BCKDHB: variants seen among roughly 807,000 people sequenced by gnomAD.
The protein encoded by BCKDHB is branched chain keto acid dehydrogenase E1 subunit beta.
In BCKDHB, 41 loss-of-function variants were observed where a neutral mutation model predicts 48.5. That is an observed-to-expected ratio of 0.85 (90% CI 0.66 to 1.10). BCKDHB has a LOEUF of 1.10. Among genes scored for constraint, BCKDHB ranks in the 50% least tolerant of loss-of-function variants. The pLI is 0.00. For synonymous variants in BCKDHB, 201 were observed against 174.8 expected (o/e 1.15, Z -1.18); for missense variants, 496 against 494.2 (o/e 1.00, Z -0.03).
chr6:80,416,917 C>G, the BCKDHB span, among the ~76,000 whole-genome samples: 201 of 151,990 alleles, frequency 1.3e-3, no homozygotes, highest in African/African-American at 4.3e-3. Flanking sequence ...CCTAAATATT[C>G]TGTCTCAATT....
At chr6:80,307,602 A>G (rs974769425) in intron 9 of BCKDHB, 1 of 984,140 alleles carries the variant, frequency 1.0e-6, no homozygotes, top group East Asian at 1.1e-4. Flanking sequence ...CAAGATCGTC[A>G]ACAGAAAAAG....
At chr6:80,303,653 G>A (rs555292873) in intron 9 of BCKDHB, among the ~76,000 whole-genome samples, 29 of 151,204 alleles carry the variant, frequency 1.9e-4, no homozygotes, top group African/African-American at 7.0e-4. Flanking sequence ...ATCCATGCGT[G>A]TGTGTGTGTG....
At chr6:80,461,981 T>A in the BCKDHB span, among the ~76,000 whole-genome samples, 1 of 152,202 alleles carries the variant, frequency 6.6e-6, no homozygotes, top group East Asian at 1.9e-4. Flanking sequence ...AATGTACTTT[T>A]TTTTTCAAAT....
chr6:80,393,507 A>T, the BCKDHB span, among the ~76,000 whole-genome samples: 2 of 151,028 alleles, frequency 1.3e-5, no homozygotes, highest in East Asian at 1.9e-4. Context: ...GCAGAGAGAG[A>T]TGTTTCACCA....
intron 9 of BCKDHB, among the ~76,000 whole-genome samples, chr6:80,340,252 T>G (rs3792990): frequency 0.27 from 41,481 of 152,078 alleles, 5,820 homozygotes; most frequent in Non-Finnish European, 0.31. Context: ...ACAGAATATA[T>G]GTAGGCGGTA....
intron 4 of BCKDHB, among the ~76,000 whole-genome samples, chr6:80,168,671 G>A (rs1178434623): frequency 1.4e-5 from 2 of 147,338 alleles, no homozygotes; most frequent in African/African-American, 5.0e-5. Context: ...AAGGAAGGGA[G>A]GGAAAGACTT....
chr6:80,112,131 A>C (rs1769442814), intron 1 of BCKDHB, among the ~76,000 whole-genome samples: 1 of 152,224 alleles, frequency 6.6e-6, no homozygotes, highest in Non-Finnish European at 1.5e-5. Context: ...TAGACACAAC[A>C]TATAACAGTA....
At chr6:80,450,370 A>C in the BCKDHB span, among the ~76,000 whole-genome samples, 1 of 152,060 alleles carries the variant, frequency 6.6e-6, no homozygotes, top group East Asian at 1.9e-4. Flanking sequence ...GGGGTTTATG[A>C]ACAGAAGCTA....
At chr6:80,147,737 G>A (rs1771558131) in intron 3 of BCKDHB, among the ~76,000 whole-genome samples, 1 of 152,092 alleles carries the variant, frequency 6.6e-6, no homozygotes, top group African/African-American at 2.4e-5. Flanking sequence ...GGTTTGAGAT[G>A]GGGCCCAACA....
the BCKDHB span, among the ~76,000 whole-genome samples, chr6:80,361,777 G>C: frequency 6.6e-6 from 1 of 152,208 alleles, no homozygotes; most frequent in Non-Finnish European, 1.5e-5. Context: ...GCACATGAAA[G>C]AGGGATTGTC....
At chr6:80,315,381 G>A (rs1768388040) in intron 9 of BCKDHB, among the ~76,000 whole-genome samples, 1 of 152,030 alleles carries the variant, frequency 6.6e-6, no homozygotes, top group African/African-American at 2.4e-5. Context: ...TGGGGGTGGG[G>A]GTTCCCTTGA....
At chr6:80,262,139 A>C (rs1001504170) in intron 8 of BCKDHB, among the ~76,000 whole-genome samples, 1 of 152,162 alleles carries the variant, frequency 6.6e-6, no homozygotes, top group Non-Finnish European at 1.5e-5. Flanking sequence ...AGGGTCACAC[A>C]CTGAAGGGCC....
chr6:80,235,432 A>T (rs954609062), intron 8 of BCKDHB, among the ~76,000 whole-genome samples: 1 of 152,234 alleles, frequency 6.6e-6, no homozygotes, highest in South Asian at 2.1e-4. Flanking sequence ...TTGAGGAAAC[A>T]TGTATTTAGA....
the BCKDHB span, among the ~76,000 whole-genome samples, chr6:80,446,653 G>A: frequency 1.6e-3 from 235 of 150,714 alleles, no homozygotes; most frequent in Non-Finnish European, 2.1e-3. Flanking sequence ...AAAGAAACAC[G>A]AAAAGTGGTT....
the BCKDHB span, among the ~76,000 whole-genome samples, chr6:80,360,864 G>T: frequency 2.6e-5 from 4 of 151,902 alleles, no homozygotes; most frequent in Admixed American, 2.0e-4. Flanking sequence ...AATTTGCCAG[G>T]TGTGGTGGTA....
At chr6:80,220,738 T>C (rs906782105) in intron 8 of BCKDHB, among the ~76,000 whole-genome samples, 1 of 137,396 alleles carries the variant, frequency 7.3e-6, no homozygotes, top group Non-Finnish European at 1.7e-5. Flanking sequence ...CTTTTTCTTT[T>C]TTTTTTTTTT....
chr6:80,209,368 G>A (rs780176773), intron 8 of BCKDHB, among the ~76,000 whole-genome samples: 3 of 151,922 alleles, frequency 2.0e-5, no homozygotes, highest in African/African-American at 7.2e-5. Context: ...TTAGTGGATT[G>A]TAAGGCCAAG....
intron 8 of BCKDHB, among the ~76,000 whole-genome samples, chr6:80,210,359 T>C (rs1043472992): frequency 6.6e-6 from 1 of 152,134 alleles, no homozygotes; most frequent in Non-Finnish European, 1.5e-5. Flanking sequence ...GAATGATTTA[T>C]TTTATATAGA....
intron 8 of BCKDHB, among the ~76,000 whole-genome samples, chr6:80,216,066 T>A (rs1775158501): frequency 1.3e-5 from 2 of 152,190 alleles, no homozygotes; most frequent in Non-Finnish European, 2.9e-5. Context: ...TAGGACTTAG[T>A]TCCTGGTAAA....
Sources: gnomAD v4.1 joint callset for allele counts (sites outside exome capture counted in the v4.1 genomes callset) on GRCh38, gnomAD v4.1.1 for gene constraint, MANE v1.5 for transcripts, NCBI Gene and HGNC (gene_info 2026-07-23, HGNC 2026-07-21) for gene names.